The following CREB5 variants were observed in gnomAD, a reference collection of about 807,000 sequenced individuals.
The protein encoded by CREB5 is cyclic AMP-responsive element-binding protein 5.
Under a neutral mutation model 57.1 loss-of-function variants are expected in CREB5, and 19 were observed. That is an observed-to-expected ratio of 0.33 (90% CI 0.23 to 0.49). The LOEUF (loss-of-function observed/expected upper bound fraction) is 0.49, where lower values mean the gene tolerates loss of function less well. CREB5 is among the 20% of genes least tolerant of loss of function. The probability of loss-of-function intolerance (pLI) is 0.99; values close to 1 mark genes in which losing one functional copy is unlikely to be tolerated. For missense variants in CREB5, 579 were observed against 671.6 expected, an observed-to-expected ratio of 0.86 and a Z score of 1.52; for synonymous variants, 238 against 238.3, an observed-to-expected ratio of 1.00 and a Z score of 0.01.
At chr7:28,759,091 C>T (rs1022085627) in intron 7 of CREB5, among the ~76,000 whole-genome samples, 9 of 152,144 alleles carry the variant, frequency 5.9e-5, no homozygotes, top group African/African-American at 2.2e-4. Flanking sequence ...GCAATGGATA[C>T]ATGTGTTTGT....
chr7:28,730,905 G>A (rs1281020743), intron 7 of CREB5, among the ~76,000 whole-genome samples: 2 of 152,004 alleles, frequency 1.3e-5, no homozygotes, highest in Non-Finnish European at 2.9e-5. Context: ...AACTTATTCT[G>A]AATAAAAGCA....
intron 6 of CREB5, among the ~76,000 whole-genome samples, chr7:28,719,545 A>C (rs974617508): frequency 1.3e-5 from 2 of 152,208 alleles, no homozygotes; most frequent in African/African-American, 2.4e-5. Context: ...TCTCTTAACC[A>C]CTATATGATA....
chr7:28,437,851 T>A (rs1174030526), intron 1 of CREB5, among the ~76,000 whole-genome samples: 1 of 152,154 alleles, frequency 6.6e-6, no homozygotes, highest in East Asian at 1.9e-4. Flanking sequence ...CTTTGTATGA[T>A]GTATTTGGAA....
intron 7 of CREB5, among the ~76,000 whole-genome samples, chr7:28,803,903 A>G (rs1808532208): frequency 1.3e-5 from 2 of 152,156 alleles, no homozygotes; most frequent in African/African-American, 4.8e-5. Flanking sequence ...GGATAATAGG[A>G]AATACCTTTT....
chr7:28,660,078 A>C (rs1799538729), intron 5 of CREB5, among the ~76,000 whole-genome samples: 2 of 152,210 alleles, frequency 1.3e-5, no homozygotes, highest in African/African-American at 4.8e-5. Context: ...ACTGCATTGA[A>C]ATGAGCTGAG....
Position 28,507,708 on chromosome 7 carries a change from A to G in CREB5, c.262A>G (p.Lys88Glu), listed in dbSNP as rs763500648. Residue 88 changes from lysine to glutamate, a missense_variant, in exon 4 of 11, where the codon AAG becomes GAG. By Grantham distance (56) the Lys-to-Glu change is moderately conservative. Around this residue, in one of 3 missense-constraint regions of CREB5, gnomAD observed 459 missense variants for 515.7 expected, o/e 0.89. Coordinates refer to ENST00000357727, the MANE Select transcript of CREB5 (RefSeq NM_182898.4). The part of the protein sequence containing the change: ...LDCSLEHEFR[K>E]AQEEESSKRN... Reference sequence around the variant, plus strand: ...CTGCTCCCTGGAGCACGAGTTCAGGAAGGCTCAGGAAGAGGAGAGCAGCAA... The same window carrying G: ...CTGCTCCCTGGAGCACGAGTTCAGGGAGGCTCAGGAAGAGGAGAGCAGCAA... The G allele has an allele frequency of 1.9e-6, 3 of 1,608,734 alleles. No homozygotes were observed. The highest frequency in any genetic ancestry group is 1.1e-5 in the South Asian group (1 of 90,756).
intron 1 of CREB5, among the ~76,000 whole-genome samples, chr7:28,485,988 T>A (rs888574082): frequency 6.6e-6 from 1 of 152,064 alleles, no homozygotes; most frequent in Non-Finnish European, 1.5e-5. Flanking sequence ...AGCAGAAAGA[T>A]CCCAAAGATA....
chr7:28,555,161 A>C (rs994555468), intron 4 of CREB5, among the ~76,000 whole-genome samples: 1 of 144,638 alleles, frequency 6.9e-6, no homozygotes, highest in Admixed American at 6.9e-5. Context: ...GTTTACCTAA[A>C]CCTTTATCAA....
intron 4 of CREB5, among the ~76,000 whole-genome samples, chr7:28,560,949 TGCGTGTGTGTGCGTGTGTGTGTGC>T (rs1795208209): frequency 2.9e-5 from 1 of 34,770 alleles, no homozygotes; most frequent in Non-Finnish European, 5.4e-5. Flanking sequence ...TGCGTGTGTG[TGCGTGTGTGTGCGTGTGTGTGTGC>T]GTGTGTGCGT....
chr7:28,633,913 A>G (rs1798305030), intron 5 of CREB5, among the ~76,000 whole-genome samples: 1 of 152,192 alleles, frequency 6.6e-6, no homozygotes, highest in Non-Finnish European at 1.5e-5. Flanking sequence ...CCAAATCTCT[A>G]AATCACTGTT....
chr7:28,762,174 A>G (rs1331264287), intron 7 of CREB5, among the ~76,000 whole-genome samples: 2 of 152,234 alleles, frequency 1.3e-5, no homozygotes, highest in African/African-American at 4.8e-5. Context: ...AGGTTACCAC[A>G]TCTGGCATAA....
intron 5 of CREB5, chr7:28,608,981 G>A (rs1797285022): frequency 6.6e-6 from 1 of 152,154 alleles, no homozygotes; most frequent in Non-Finnish European, 1.5e-5. Context: ...TCTATGACCT[G>A]CTTGTATATC....
intron 7 of CREB5, among the ~76,000 whole-genome samples, chr7:28,735,108 G>T (rs115612676): frequency 2.4e-4 from 27 of 111,196 alleles, no homozygotes; most frequent in Admixed American, 8.9e-4. Context: ...AATCGTTTTG[G>T]TTTTTTTTGT....
intron 7 of CREB5, among the ~76,000 whole-genome samples, chr7:28,795,704 T>TGTTTA (rs1290194088): frequency 6.6e-6 from 1 of 152,150 alleles, no homozygotes; most frequent in Non-Finnish European, 1.5e-5. Context: ...TTTAAAATAT[T>TGTTTA]GTTTAAATTG....
intron 4 of CREB5, among the ~76,000 whole-genome samples, chr7:28,543,382 T>A (rs1292451841): frequency 6.6e-6 from 1 of 152,230 alleles, no homozygotes; most frequent in Admixed American, 6.5e-5. Context: ...GCATTTATGT[T>A]TGCCTGCCTA....
chr7:28,707,151 TG>T (rs1802151866), intron 5 of CREB5, among the ~76,000 whole-genome samples: 1 of 152,302 alleles, frequency 6.6e-6, no homozygotes, highest in South Asian at 2.1e-4. Context: ...TCGGAGAGGC[TG>T]GGTGTTTCTG....
At chr7:28,582,863 T>A (rs1338555566) in intron 5 of CREB5, among the ~76,000 whole-genome samples, 1 of 152,200 alleles carries the variant, frequency 6.6e-6, no homozygotes, top group East Asian at 1.9e-4. Flanking sequence ...CTTGGGAAAC[T>A]GTTTAAATTT....
intron 5 of CREB5, among the ~76,000 whole-genome samples, chr7:28,602,318 G>C (rs1235243080): frequency 1.3e-5 from 2 of 152,038 alleles, no homozygotes; most frequent in Non-Finnish European, 2.9e-5. Flanking sequence ...GTAGAGCCAG[G>C]GTTTCGCCAT....
chr7:28,768,978 T>C (rs1806159724), intron 7 of CREB5, among the ~76,000 whole-genome samples: 1 of 152,188 alleles, frequency 6.6e-6, no homozygotes, highest in Non-Finnish European at 1.5e-5. Context: ...TTCAGAAAAC[T>C]CTGTTATATA....
Sources: allele counts gnomAD v4.1 joint callset (sites outside exome capture counted in the v4.1 genomes callset), GRCh38; gene constraint gnomAD v4.1.1; regional missense constraint gnomAD v4.1.1; transcripts MANE v1.5; gene names NCBI Gene and HGNC (gene_info 2026-07-23, HGNC 2026-07-21).